The following PCDHA2 variants were observed in gnomAD, a reference collection of about 807,000 sequenced individuals.
The protein encoded by PCDHA2 is protocadherin alpha 2.
Under a neutral mutation model 66.0 loss-of-function variants are expected in PCDHA2, and 58 were observed. That is an observed-to-expected ratio of 0.88 (90% confidence interval 0.71 to 1.09). PCDHA2 has a LOEUF of 1.09. Among genes scored for constraint, PCDHA2 ranks in the 50% least tolerant of loss-of-function variants. The pLI is 0.00. For missense variants in PCDHA2, 1,267 were observed against 1,242.3 expected (o/e 1.02, Z -0.30); for synonymous variants, 634 against 554.0 (o/e 1.14, Z -2.03).
chr5:140,864,764 T>C (rs1202500851), intron 1 of PCDHA2: 2 of 152,238 alleles, frequency 1.3e-5, no homozygotes, highest in East Asian at 3.8e-4. Context: ...TTTTCTTTCA[T>C]TTTTGGTACC....
intron 1 of PCDHA2, among the ~76,000 whole-genome samples, chr5:140,904,764 A>G (rs1354356510): frequency 2.0e-5 from 3 of 152,240 alleles, no homozygotes; most frequent in African/African-American, 4.8e-5. Context: ...CAAGAATAAG[A>G]TGGTATCACA....
chr5:140,802,374 G>A (rs782803218), intron 1 of PCDHA2: 8 of 1,614,082 alleles, frequency 5.0e-6, no homozygotes, highest in Admixed American at 3.3e-5. Context: ...GACGCCCCAC[G>A]TCCCCTTCAA....
At chr5:141,007,422 G>A (rs190866782) in intron 3 of PCDHA2, among the ~76,000 whole-genome samples, 22 of 143,640 alleles carry the variant, frequency 1.5e-4, no homozygotes, top group African/African-American at 4.9e-4. Context: ...AAAAAAATTA[G>A]CCAGGCATGG....
chr5:140,828,404 C>A, intron 1 of PCDHA2: 1 of 1,614,252 alleles, frequency 6.2e-7, no homozygotes, highest in Non-Finnish European at 8.5e-7. Context: ...GTGCAGCATC[C>A]ACCTGGAGGT....
At chr5:140,885,189 C>T (rs1554182051) in intron 1 of PCDHA2, among the ~76,000 whole-genome samples, 1 of 151,992 alleles carries the variant, frequency 6.6e-6, no homozygotes, top group Non-Finnish European at 1.5e-5. Context: ...CATCAGTGTT[C>T]CCCTCTCATA....
intron 1 of PCDHA2, among the ~76,000 whole-genome samples, chr5:140,906,070 C>T (rs1257687877): frequency 1.3e-5 from 2 of 152,162 alleles, no homozygotes; most frequent in South Asian, 2.1e-4. Flanking sequence ...CTGATTAGAT[C>T]GCACCCACCC....
At chr5:140,846,180 G>A (rs1196711565) in intron 1 of PCDHA2, among the ~76,000 whole-genome samples, 4 of 149,348 alleles carry the variant, frequency 2.7e-5, no homozygotes, top group East Asian at 1.9e-4. Context: ...CTGAGTAGGC[G>A]TTTGAGTTCT....
intron 1 of PCDHA2, among the ~76,000 whole-genome samples, chr5:140,925,108 G>A (rs77719760): frequency 1.1e-3 from 139 of 124,762 alleles, no homozygotes; most frequent in African/African-American, 2.5e-3. Flanking sequence ...GAAGGAAGGA[G>A]GGAAGGAAGG....
chr5:140,799,584 AT>A (rs1283921380), intron 1 of PCDHA2, among the ~76,000 whole-genome samples: 1 of 152,064 alleles, frequency 6.6e-6, no homozygotes, highest in African/African-American at 2.4e-5. Context: ...ATATTAACAA[AT>A]ATCATTAACT....
chr5:141,000,371 CT>C (rs2153963893), intron 3 of PCDHA2, among the ~76,000 whole-genome samples: 1 of 49,262 alleles, frequency 2.0e-5, no homozygotes, highest in East Asian at 6.6e-4. Context: ...GTCTCTCTCT[CT>C]CTCTCTCTCT....
rs2150123679 is a variant in PCDHA2 at position 140,823,222 on chromosome 5, G to A, written c.2388+25870G>A. ...CACGGTGTCTGCACGGGACGCGGAC[G>A]CGCAGGAGAACGCCCTGGTGTCCTA... On this transcript the variant is annotated intron_variant, in intron 1 of 3. Coordinates refer to ENST00000526136, the MANE Select transcript of PCDHA2 (RefSeq NM_018905.3). The A allele has an allele frequency of 1.7e-4, 270 of 1,613,614 alleles. No homozygotes were observed. Among genetic ancestry groups the A allele is most frequent in the Non-Finnish European group, 2.1e-4 (251 of 1,179,816 alleles).
chr5:141,009,745 A>G lies in PCDHA2; in HGVS notation c.2655A>G (p.Lys885=). The G allele has an allele frequency of 6.2e-7, 1 of 1,614,104 alleles. No individual in the cohort carries two copies. The highest frequency in any genetic ancestry group is 8.5e-7 in the Non-Finnish European group (1 of 1,180,006). The part of the protein sequence containing the change: ...KQSGPGELPD[K]FIIPGSPAII... ...CCGGTCCCGGTGAGTTGCCCGACAA[A>G]TTCATTATCCCAGGATCTCCTGCAA... Residue 885 remains lysine, a synonymous_variant, in exon 4 of 4, where the codon AAA becomes AAG. Coordinates refer to ENST00000526136, the MANE Select transcript of PCDHA2 (RefSeq NM_018905.3).
At chr5:140,966,448 C>T (rs1198594007) in intron 1 of PCDHA2, 2 of 425,466 alleles carry the variant, frequency 4.7e-6, no homozygotes, top group Non-Finnish European at 8.2e-6. Context: ...TCCCTTTCCC[C>T]CTCCCCCTCT....
chr5:140,863,783 G>C, intron 1 of PCDHA2: 1 of 226,522 alleles, frequency 4.4e-6, no homozygotes, highest in Non-Finnish European at 8.8e-6. Context: ...CGGATCACTC[G>C]AGGCCAGGAG....
intron 1 of PCDHA2, chr5:140,870,222 G>A: frequency 6.2e-7 from 1 of 1,614,180 alleles, no homozygotes; most frequent in African/African-American, 1.3e-5. Flanking sequence ...TGATCAGCGT[G>A]TCTGACCGTG....
intron 1 of PCDHA2, chr5:140,824,141 T>A: frequency 1.2e-6 from 2 of 1,612,188 alleles, no homozygotes; most frequent in Non-Finnish European, 1.7e-6. Flanking sequence ...AGTTTTCTAA[T>A]ATTAACATCC....
rs189730532 is a variant in PCDHA2, at chr5:140,870,328, G to T, written c.2388+72976G>T. 1.5e-5 allele frequency: 24 copies of T among 1,614,208 alleles called. 2 individuals carry two copies. In the East Asian group the frequency reaches 4.7e-4, roughly 31 times the overall value. Reference sequence around the variant, plus strand: ...CAAGAATTACTACTCGTTGGTGCTGGACAGCGCCCTGGACCGCGAGAACGT... The same window carrying T: ...CAAGAATTACTACTCGTTGGTGCTGTACAGCGCCCTGGACCGCGAGAACGT... On this transcript the variant is annotated intron_variant, in intron 1 of 3. Transcript: ENST00000526136.
At chr5:140,834,356 G>T (rs2150215618) in intron 1 of PCDHA2, 43 of 1,542,626 alleles carry the variant, frequency 2.8e-5, no homozygotes, top group Non-Finnish European at 3.7e-5. Flanking sequence ...AAGTTTTGCT[G>T]ACTAGAAAAA....
chr5:141,009,944 C>T lies in PCDHA2; in HGVS notation c.*7C>T. On this transcript the variant is annotated 3_prime_UTR_variant, in exon 4 of 4. Coordinates refer to ENST00000526136, the MANE Select transcript of PCDHA2 (RefSeq NM_018905.3). Reference sequence around the variant, plus strand: ...TGACAACAGTGACCAGTGAGGTCCTCAAATGGAAACAAGCCACTTAGCCAG... The same window carrying T: ...TGACAACAGTGACCAGTGAGGTCCTTAAATGGAAACAAGCCACTTAGCCAG... The T allele has an allele frequency of 6.3e-7, 1 of 1,595,754 alleles. No individual in the cohort carries two copies. The highest frequency in any genetic ancestry group is 1.1e-5 in the South Asian group (1 of 87,514).
Sources: gnomAD v4.1 joint callset for allele counts (sites outside exome capture counted in the v4.1 genomes callset) on GRCh38, gnomAD v4.1.1 for gene constraint, MANE v1.5 for transcripts, NCBI Gene and HGNC (gene_info 2026-07-23, HGNC 2026-07-21) for gene names.